Variants in FN1 observed in about 807,000 individuals in gnomAD.
The protein encoded by FN1 is fibronectin 1, also known as fibronectin.
A neutral mutation model predicts 297.3 loss-of-function variants in FN1; 106 were observed. That is an observed-to-expected ratio of 0.36 (90% CI 0.30 to 0.42). The LOEUF (loss-of-function observed/expected upper bound fraction) is 0.42, where lower values mean the gene tolerates loss of function less well. Ranked by LOEUF, FN1 falls within the 10% of genes least tolerant of loss-of-function variation. FN1 has a pLI of 1.00. For missense variants in FN1, 2,690 were observed against 3,124.9 expected (o/e 0.86, Z 3.32); for synonymous variants, 1,149 against 1,152.6 (o/e 1.00, Z 0.06).
intron 26 of FN1, 139 bp downstream of exon 26, chr2:215,391,487 TAATGGA>T: frequency 1.4e-6 from 1 of 699,666 alleles, no homozygotes; most frequent in Non-Finnish European, 2.6e-6. Flanking sequence ...CTTTCAAAAT[TAATGGA>T]GCTGTGCATT....
intron 43 of FN1, 32 bp from the exon 44 acceptor site, chr2:215,365,017 A>T (rs760313973): frequency 6.5e-6 from 9 of 1,382,860 alleles, no homozygotes; most frequent in African/African-American, 1.4e-5. Flanking sequence ...ATGCACGCAT[A>T]AGCTGAGAAC....
At chr2:215,405,441 C>CGGATACTAG (rs1242267712) in intron 19 of FN1, among the ~76,000 whole-genome samples, 1 of 152,124 alleles carries the variant, frequency 6.6e-6, no homozygotes, top group African/African-American at 2.4e-5. Context: ...GTATTCAATA[C>CGGATACTAG]GGATACTAGT....
At position 215,392,940 on chromosome 2, in the gene FN1, G is replaced by T. The variant is rs746652738; in HGVS notation, c.4060C>A (p.Gln1354Lys). 6 of 1,612,470 alleles carry T rather than the reference G, an allele frequency of 3.7e-6. No homozygotes were observed. The highest frequency in any genetic ancestry group is 3.3e-5 in the Admixed American group (2 of 60,002). ...AGTTTTCAAAATTCACCCGTTTGTTGTGTCAGTGTAGTAGGGGCACTCTCG... is the reference window on the plus strand; with the variant it reads ...AGTTTTCAAAATTCACCCGTTTGTTTTGTCAGTGTAGTAGGGGCACTCTCG... ...GGESAPTTLTQQTAVPPPTDL... is the reference protein window; with the variant it reads ...GGESAPTTLTKQTAVPPPTDL... The change falls in exon 25 of 46, where the codon CAA (glutamine) becomes AAA (lysine). Residue 1354 changes from glutamine (Q) to lysine (K), a missense_variant. Coordinates refer to ENST00000354785, the MANE Select transcript of FN1 (RefSeq NM_212482.4).
chr2:215,430,932 G>T (rs1453402875), intron 4 of FN1, 80 bp from the exon 5 acceptor site: 5 of 1,504,698 alleles, frequency 3.3e-6, no homozygotes, highest in Non-Finnish European at 3.7e-6. Context: ...AAAGTGTAGT[G>T]TGTAAGCAAA....
chr2:215,397,951 A>C (rs539157823), intron 21 of FN1, 103 bp from the exon 22 acceptor site: 10 of 981,388 alleles, frequency 1.0e-5, no homozygotes, highest in Admixed American at 5.5e-5. Context: ...AACTCTTCAG[A>C]AACTGCACAG....
intron 14 of FN1, 73 bp from the exon 15 acceptor site, chr2:215,409,812 AT>A (rs2062325810): frequency 6.3e-7 from 1 of 1,597,114 alleles, no homozygotes. Context: ...CGCCAACATC[AT>A]TTTAAAAAAC....
At chr2:215,363,654 G>A (rs2053964049) in intron 44 of FN1, 1 of 152,152 alleles carries the variant, frequency 6.6e-6, no homozygotes, top group Non-Finnish European at 1.5e-5. Context: ...ATTAACCAAT[G>A]AGTCTCACCC....
At chr2:215,370,586 T>C (rs1575233704) in intron 40 of FN1, 154 bp from the exon 41 acceptor site, 2 of 681,780 alleles carry the variant, frequency 2.9e-6, no homozygotes, top group South Asian at 1.9e-5. Context: ...GGTATAGTGG[T>C]CCTAACCAGC....
At chr2:215,420,564 C>A in intron 11 of FN1, 109 bp downstream of exon 11, 1 of 1,410,092 alleles carries the variant, frequency 7.1e-7, no homozygotes, top group Non-Finnish European at 1.0e-6. Context: ...AGCAACTGAT[C>A]AAAGTCTGGA....
Position 215,434,794 on chromosome 2 carries a change from T to A in FN1, c.179A>T (p.Gln60Leu), listed in dbSNP as rs768797365. The part of the protein sequence containing the change: ...PGCYDNGKHY[Q>L]INQQWERTYL... Reference sequence around the variant, plus strand: ...GGTCCGCTCCCACTGTTGATTTATCTGATAGTGTTTTCCATTGTCATAACA... The same window carrying A: ...GGTCCGCTCCCACTGTTGATTTATCAGATAGTGTTTTCCATTGTCATAACA... Residue 60 changes from glutamine to leucine, a missense_variant, in exon 2 of 46, where the codon CAG (glutamine) becomes CTG (leucine). Coordinates refer to ENST00000354785, the MANE Select transcript of FN1 (RefSeq NM_212482.4). 1 of 1,613,698 alleles carries A rather than the reference T, an allele frequency of 6.2e-7. No homozygotes were observed. The highest frequency in any genetic ancestry group is 8.5e-7 in the Non-Finnish European group (1 of 1,179,770).
At chr2:215,382,355 A>G (rs1448356675) in intron 31 of FN1, 30 bp from the exon 32 acceptor site, 1 of 1,348,844 alleles carries the variant, frequency 7.4e-7, no homozygotes, top group South Asian at 1.2e-5. Context: ...CAAATGCAAC[A>G]TCCACGTCAT....
intron 21 of FN1, among the ~76,000 whole-genome samples, chr2:215,398,533 A>G (rs79464095): frequency 0.037 from 5,634 of 152,312 alleles, 359 homozygotes; most frequent in African/African-American, 0.13. Flanking sequence ...GGCACTCTTC[A>G]GAAAGTTCTT....
chr2:215,398,998 A>G (rs1188460185), intron 21 of FN1, among the ~76,000 whole-genome samples: 1 of 152,268 alleles, frequency 6.6e-6, no homozygotes, highest in Non-Finnish European at 1.5e-5. Context: ...AGAAAATAAG[A>G]TAACAATAAG....
chr2:215,366,515 A>C (rs1181905935), intron 42 of FN1, among the ~76,000 whole-genome samples: 1 of 152,238 alleles, frequency 6.6e-6, no homozygotes, highest in East Asian at 1.9e-4. Flanking sequence ...TCCACATCAA[A>C]TAAGTCTGGT....
At chr2:215,425,599 C>A (rs1202069634) in intron 6 of FN1, among the ~76,000 whole-genome samples, 1 of 152,134 alleles carries the variant, frequency 6.6e-6, no homozygotes, top group Non-Finnish European at 1.5e-5. Flanking sequence ...GTTGCCCAGG[C>A]TGGAGTGCAG....
chr2:215,415,055 T>C, intron 12 of FN1, 97 bp from the exon 13 acceptor site: 1 of 939,280 alleles, frequency 1.1e-6, no homozygotes, highest in Non-Finnish European at 1.7e-6. Flanking sequence ...ACAGCTTTGC[T>C]TGTCGTTAAA....
At position 215,384,984 on chromosome 2, in the gene FN1, A is replaced by G. The variant is rs767521177; in HGVS notation, c.4613-8T>C. The G allele has an allele frequency of 1.9e-6, 3 of 1,588,824 alleles. No individual in the cohort carries two copies. Among genetic ancestry groups the G allele is most frequent in the East Asian group, 2.2e-5 (1 of 44,714 alleles). ...CCCTCGGAACATCAGAAACTAGAAA[A>G]AAAAGGGAAACTTTTCACATCCGTA... On this transcript the variant is annotated splice_region_variant and splice_polypyrimidine_tract_variant and intron_variant, in intron 28 of 45. Coordinates refer to ENST00000354785, the MANE Select transcript of FN1 (RefSeq NM_212482.4).
At chr2:215,429,410 C>T (rs2066066876) in intron 5 of FN1, among the ~76,000 whole-genome samples, 1 of 152,128 alleles carries the variant, frequency 6.6e-6, no homozygotes, top group African/African-American at 2.4e-5. Context: ...CTCTGTGCCA[C>T]GATGTGAGTA....
At chr2:215,369,782 G>C (rs2055465371) in intron 41 of FN1, among the ~76,000 whole-genome samples, 2 of 152,148 alleles carry the variant, frequency 1.3e-5, no homozygotes, top group African/African-American at 4.8e-5. Flanking sequence ...AATAACATTG[G>C]AATAACATTC....
Sources: allele counts gnomAD v4.1 joint callset (sites outside exome capture counted in the v4.1 genomes callset), GRCh38; gene constraint gnomAD v4.1.1; transcripts MANE v1.5; gene names NCBI Gene and HGNC (gene_info 2026-07-23, HGNC 2026-07-21).